The following SPON1 variants were observed in gnomAD, a reference collection of about 807,000 sequenced individuals.
SPON1 encodes spondin-1.
A neutral mutation model predicts 111.7 loss-of-function variants in SPON1; 52 were observed. That is an observed-to-expected ratio of 0.47 (90% CI 0.37 to 0.59). The LOEUF (loss-of-function observed/expected upper bound fraction) is 0.59, where lower values mean the gene tolerates loss of function less well. Ranked by LOEUF, SPON1 falls within the 20% of genes least tolerant of loss-of-function variation. The pLI, the probability that SPON1 is intolerant of heterozygous loss-of-function variation, is 0.00. For missense variants in SPON1, 957 were observed against 1,068.5 expected, an observed-to-expected ratio of 0.90 and a Z score of 1.46; for synonymous variants, 410 against 395.8, an observed-to-expected ratio of 1.04 and a Z score of -0.43.
At chr11:14,206,793 A>G (rs529299067) in intron 6 of SPON1, among the ~76,000 whole-genome samples, 3 of 152,338 alleles carry the variant, frequency 2.0e-5, no homozygotes, top group African/African-American at 7.2e-5. Flanking sequence ...CATTATTGTG[A>G]AAACAGCCAC....
At chr11:14,089,168 C>A (rs1333898657) in intron 5 of SPON1, among the ~76,000 whole-genome samples, 1 of 152,100 alleles carries the variant, frequency 6.6e-6, no homozygotes, top group Non-Finnish European at 1.5e-5. Context: ...GTTTTGTGCA[C>A]TTGCTGGAGA....
At chr11:14,030,040 C>T (rs892010897) in intron 2 of SPON1, among the ~76,000 whole-genome samples, 1 of 152,170 alleles carries the variant, frequency 6.6e-6, no homozygotes, top group African/African-American at 2.4e-5. Context: ...ACTTAAGTGA[C>T]AAGAGCTGGT....
chr11:14,017,868 T>A (rs1848454492), intron 2 of SPON1, among the ~76,000 whole-genome samples: 3 of 152,220 alleles, frequency 2.0e-5, no homozygotes. Flanking sequence ...ATCAACTAAG[T>A]ATTTTTAGGC....
chr11:14,048,233 T>C (rs1848683624), intron 3 of SPON1, among the ~76,000 whole-genome samples: 1 of 135,534 alleles, frequency 7.4e-6, no homozygotes, highest in African/African-American at 2.6e-5. Flanking sequence ...GAGTGAAACC[T>C]CATCTCAAAA....
intron 6 of SPON1, among the ~76,000 whole-genome samples, chr11:14,149,474 G>T (rs1202586414): frequency 6.6e-6 from 1 of 152,100 alleles, no homozygotes; most frequent in Non-Finnish European, 1.5e-5. Flanking sequence ...ATAAGCTAAG[G>T]TTAATTTATT....
intron 6 of SPON1, among the ~76,000 whole-genome samples, chr11:14,207,870 T>C (rs537068284): frequency 6.6e-6 from 1 of 152,280 alleles, no homozygotes; most frequent in East Asian, 1.9e-4. Context: ...CCCAAAAGAA[T>C]ATAAATCATT....
chr11:14,214,002 C>T (rs1848602345), intron 6 of SPON1, among the ~76,000 whole-genome samples: 1 of 152,210 alleles, frequency 6.6e-6, no homozygotes, highest in Non-Finnish European at 1.5e-5. Flanking sequence ...GTTCCCAGGT[C>T]ACCTATGGTT....
intron 5 of SPON1, among the ~76,000 whole-genome samples, chr11:14,087,803 C>G (rs1312443601): frequency 6.6e-6 from 1 of 152,156 alleles, no homozygotes; most frequent in African/African-American, 2.4e-5. Flanking sequence ...TAAGAACTTT[C>G]TTTATAAATC....
At chr11:13,992,309 G>A (rs1337954693) in intron 2 of SPON1, among the ~76,000 whole-genome samples, 1 of 152,216 alleles carries the variant, frequency 6.6e-6, no homozygotes, top group Non-Finnish European at 1.5e-5. Context: ...CTCAGCTGCA[G>A]TGGGCCCCAC....
At chr11:14,080,050 G>A in intron 5 of SPON1, 29 bp downstream of exon 5, 2 of 1,613,288 alleles carry the variant, frequency 1.2e-6, no homozygotes, top group Non-Finnish European at 1.7e-6. Flanking sequence ...CTGTGGTTTG[G>A]GGAAAAGCAC....
At chr11:13,999,842 T>C (rs570897671) in intron 2 of SPON1, among the ~76,000 whole-genome samples, 1 of 152,262 alleles carries the variant, frequency 6.6e-6, no homozygotes, top group African/African-American at 2.4e-5. Context: ...AAACTTTCTC[T>C]CCAGTTGGCC....
At position 14,113,568 on chromosome 11, in the gene SPON1, A is replaced by ATTTTTTTTTTTT. The variant is rs782780924; in HGVS notation, c.677-21811_677-21800dup. ...AAGTCACCTCCTATGTACTTTTTAA[A>ATTTTTTTTTTTT]TTTTTTTTTTTTTTTTTTTTTTTTT... On this transcript the variant is annotated intron_variant, in intron 5 of 15. Transcript: ENST00000576479. 1.2e-4 allele frequency among the ~76,000 whole-genome samples: 9 copies of ATTTTTTTTTTTT among 74,758 alleles called. 1 individual carries two copies. The highest frequency in any genetic ancestry group is 3.1e-4 in the Admixed American group (2 of 6,404). 49.0% of individuals were successfully genotyped at this position (74,758 alleles called of 152,430 possible).
At chr11:14,089,892 T>A (rs868976328) in intron 5 of SPON1, among the ~76,000 whole-genome samples, 1 of 152,184 alleles carries the variant, frequency 6.6e-6, no homozygotes, top group African/African-American at 2.4e-5. Flanking sequence ...ACAGCTGTTT[T>A]GCCACGCTGT....
intron 5 of SPON1, among the ~76,000 whole-genome samples, chr11:14,091,635 C>T (rs1485886974): frequency 2.0e-5 from 3 of 152,198 alleles, no homozygotes; most frequent in African/African-American, 7.2e-5. Flanking sequence ...CGGAGCCCGC[C>T]AAGCCCACGC....
intron 5 of SPON1, among the ~76,000 whole-genome samples, chr11:14,105,329 C>G (rs1472313193): frequency 1.3e-5 from 2 of 152,094 alleles, no homozygotes; most frequent in South Asian, 2.1e-4. Context: ...ATTTTTATAT[C>G]TCTTTTCATG....
intron 8 of SPON1, among the ~76,000 whole-genome samples, chr11:14,255,382 G>A (rs1849095024): frequency 6.6e-6 from 1 of 152,180 alleles, no homozygotes; most frequent in Non-Finnish European, 1.5e-5. Flanking sequence ...ACCTGGCTCA[G>A]CCGTTTCCTA....
intron 6 of SPON1, among the ~76,000 whole-genome samples, chr11:14,238,052 C>T (rs1848886080): frequency 6.6e-6 from 1 of 152,174 alleles, no homozygotes. Context: ...AGGATTAAAA[C>T]GTATATATCC....
In SPON1 at chr11:14,265,761, G is replaced by A. The variant is rs1472114322; in HGVS notation, c.*74G>A. The A allele has an allele frequency of 1.3e-6, 2 of 1,519,782 alleles. No homozygotes were observed. The highest frequency in any genetic ancestry group is 1.7e-4 in the Middle Eastern group (1 of 5,800). The allele number at this position is 1,519,782 out of a possible 1,614,324, so 94.1% of individuals were successfully genotyped here. ...ATGGCTGGATTATTTGCTTGTTTAA[G>A]ACAATTTAAATTGTGTACGCTAGTT... On this transcript the variant is annotated 3_prime_UTR_variant, in exon 16 of 16. Coordinates refer to ENST00000576479, the MANE Select transcript of SPON1 (RefSeq NM_006108.4).
chr11:13,982,212 TAGTA>T (rs1564878665), intron 1 of SPON1, among the ~76,000 whole-genome samples: 1 of 146,360 alleles, frequency 6.8e-6, no homozygotes, highest in Non-Finnish European at 1.5e-5. Context: ...AGGAAAACCA[TAGTA>T]AGCATAGGGT....
Sources: allele counts gnomAD v4.1 joint callset (sites outside exome capture counted in the v4.1 genomes callset), GRCh38; gene constraint gnomAD v4.1.1; transcripts MANE v1.5; gene names NCBI Gene and HGNC (gene_info 2026-07-23, HGNC 2026-07-21).